Variants in MYBL2 observed in about 807,000 individuals in gnomAD.
MYBL2 encodes the protein MYB proto-oncogene like 2.
A neutral mutation model predicts 79.9 loss-of-function variants in MYBL2; 28 were observed. The observed-to-expected ratio is 0.35, with a 90% CI of 0.26 to 0.48. The LOEUF (loss-of-function observed/expected upper bound fraction) is 0.48, where lower values mean the gene tolerates loss of function less well. MYBL2 is among the 20% of genes least tolerant of loss of function. The probability of loss-of-function intolerance (pLI) is 0.99; values close to 1 mark genes in which losing one functional copy is unlikely to be tolerated. For synonymous variants in MYBL2, 378 were observed against 361.2 expected, an observed-to-expected ratio of 1.05 and a Z score of -0.53; for missense variants, 735 against 893.9, an observed-to-expected ratio of 0.82 and a Z score of 2.27.
intron 3 of MYBL2, among the ~76,000 whole-genome samples, chr20:43,682,464 T>C (rs1987167244): frequency 6.6e-6 from 1 of 152,332 alleles, no homozygotes; most frequent in African/African-American, 2.4e-5. Flanking sequence ...ATCTGAACTC[T>C]TCAGGGAATA....
intron 2 of MYBL2, among the ~76,000 whole-genome samples, chr20:43,675,552 A>G (rs912818911): frequency 6.6e-6 from 1 of 151,832 alleles, no homozygotes; most frequent in African/African-American, 2.4e-5. Flanking sequence ...ACCTCAAGCA[A>G]TCCACCCACC....
At chr20:43,712,886 A>G in intron 11 of MYBL2, 116 bp from the exon 12 acceptor site, 2 of 773,734 alleles carry the variant, frequency 2.6e-6, no homozygotes, top group Non-Finnish European at 4.3e-6. Context: ...CCTTGCTCCA[A>G]GTCTGCACTG....
rs766959084 is a variant in MYBL2, at chr20:43,670,960, C to CTTTTT, written c.21-2842_21-2838dup. On this transcript the variant is annotated intron_variant, in intron 1 of 13. Transcript: ENST00000217026. ...TCTCTGGAGGTGGATCCTATGATTT[C>CTTTTT]TTTTTTTTCTTTTTTTTTTTTTTTT... Among the ~76,000 whole-genome samples, 19 of 144,646 alleles carry CTTTTT rather than the reference C, an allele frequency of 1.3e-4. 1 individual carries two copies. The highest frequency in any genetic ancestry group is 4.3e-4 in the African/African-American group (16 of 37,402). The allele number at this position is 144,646 out of a possible 152,430, so 94.9% of individuals were successfully genotyped here. A position where few individuals can be genotyped will look rare whatever the true frequency, so the allele number is the denominator to read the frequency against.
intron 6 of MYBL2, among the ~76,000 whole-genome samples, chr20:43,693,343 G>A (rs1264908883): frequency 1.3e-5 from 2 of 151,984 alleles, no homozygotes; most frequent in East Asian, 3.9e-4. Flanking sequence ...TACATTTGCA[G>A]TTTTTATTTA....
Position 43,702,909 on chromosome 20 carries a change from T to G in MYBL2, c.1365+6T>G, listed in dbSNP as rs1382224985. 6.3e-7 allele frequency: 1 copy of G among 1,579,920 alleles called. No individual in the cohort carries two copies. Among genetic ancestry groups the G allele is most frequent in the East Asian group, 2.3e-5 (1 of 44,244 alleles). ...TGCCCTTCTCGCCCTCCCAGGTGCG[T>G]GGACCCCACTCTGGCTGCTTATTGG... On this transcript the variant is annotated splice_donor_region_variant and intron_variant, in intron 8 of 13. Coordinates refer to ENST00000217026, the MANE Select transcript of MYBL2 (RefSeq NM_002466.4).
Position 43,705,357 on chromosome 20 carries a change from G to A in MYBL2, c.1504G>A (p.Ala502Thr), listed in dbSNP as rs1987756963. Residue 502 changes from alanine (A) to threonine (T), a missense_variant and splice_region_variant, in exon 9 of 14, where the codon GCG (alanine) becomes ACG (threonine). By Grantham distance (58) the Ala-to-Thr change is moderately conservative. Transcript: ENST00000217026. Reference sequence around the variant, plus strand: ...GACACCCCTGCACCAGAAACATGCTGCGTGAGTGCTGCAGTGCCCCCAACC... The same window carrying A: ...GACACCCCTGCACCAGAAACATGCTACGTGAGTGCTGCAGTGCCCCCAACC... ...DKTPLHQKHA[A>T]FVTPDQKYSM... The A allele has an allele frequency of 1.2e-6, 2 of 1,610,424 alleles. No individual in the cohort carries two copies. The highest frequency in any genetic ancestry group is 2.2e-5 in the South Asian group (2 of 90,334).
At chr20:43,690,234 C>T (rs1217424231) in intron 5 of MYBL2, among the ~76,000 whole-genome samples, 2 of 149,892 alleles carry the variant, frequency 1.3e-5, no homozygotes, top group African/African-American at 4.9e-5. Context: ...GAGACGGAGT[C>T]TTGCTCTGTC....
chr20:43,674,296 G>A (rs185864962), intron 2 of MYBL2, among the ~76,000 whole-genome samples: 1 of 138,816 alleles, frequency 7.2e-6, no homozygotes, highest in Admixed American at 8.1e-5. Context: ...GAGGGCAATG[G>A]CATAATCTCA....
chr20:43,683,513 A>G (rs1450301905), intron 4 of MYBL2, among the ~76,000 whole-genome samples: 1 of 149,312 alleles, frequency 6.7e-6, no homozygotes, highest in Non-Finnish European at 1.5e-5. Context: ...TGAGGCAGGC[A>G]TGGCTTATGA....
chr20:43,680,642 C>G (rs1026018604), intron 2 of MYBL2, among the ~76,000 whole-genome samples: 1 of 151,968 alleles, frequency 6.6e-6, no homozygotes, highest in African/African-American at 2.4e-5. Context: ...TTACAGGCAC[C>G]CACCACCACA....
rs1406217596 is a variant in MYBL2 at position 43,682,985 on chromosome 20, C to CT, written c.279+100dup. On this transcript the variant is annotated intron_variant, in intron 4 of 13. Transcript: ENST00000217026. ...TTGTGTTGGGGTTGGGGGTGTCAAG[C>CT]TGAGCATTGGGTGTGAGTTGTCTAC... The CT allele has an allele frequency of 3.5e-6, 4 of 1,141,744 alleles. 1 individual carries two copies. In the East Asian group the frequency reaches 7.2e-5, roughly 21 times the overall value. 70.7% of individuals were successfully genotyped at this position (1,141,744 alleles called of 1,614,324 possible).
At chr20:43,709,690 CT>C (rs1987863538) in intron 9 of MYBL2, among the ~76,000 whole-genome samples, 1 of 152,212 alleles carries the variant, frequency 6.6e-6, no homozygotes, top group African/African-American at 2.4e-5. Flanking sequence ...CACGGACTGC[CT>C]TGTTTTCTGG....
chr20:43,701,999 C>T (rs959480845), intron 7 of MYBL2, among the ~76,000 whole-genome samples: 21 of 152,180 alleles, frequency 1.4e-4, no homozygotes, highest in Non-Finnish European at 2.8e-4. Flanking sequence ...TGGTGGCACA[C>T]GCCTGTAGTC....
At chr20:43,704,390 C>T (rs992708729) in intron 8 of MYBL2, among the ~76,000 whole-genome samples, 3 of 152,160 alleles carry the variant, frequency 2.0e-5, no homozygotes, top group Non-Finnish European at 2.9e-5. Flanking sequence ...GTTGGGACTT[C>T]AGGATGTAAA....
intron 7 of MYBL2, among the ~76,000 whole-genome samples, chr20:43,700,292 G>T (rs6031042): frequency 6.6e-6 from 1 of 152,210 alleles, no homozygotes; most frequent in East Asian, 1.9e-4. Context: ...GTATGGCACA[G>T]GGCGGGGTGG....
intron 4 of MYBL2, 70 bp from the exon 5 acceptor site, chr20:43,686,782 G>T: frequency 6.8e-7 from 1 of 1,470,612 alleles, no homozygotes; most frequent in Non-Finnish European, 9.4e-7. Context: ...GGCTCAGGTG[G>T]ATGTGAAGGG....
chr20:43,712,800 C>G (rs542164908), intron 11 of MYBL2, among the ~76,000 whole-genome samples: 1 of 152,214 alleles, frequency 6.6e-6, no homozygotes. Context: ...ACCTTGGGTA[C>G]AGAGTCTAAT....
chr20:43,702,686 G>A lies in MYBL2; in HGVS notation c.1148G>A (p.Arg383Gln), dbSNP rs773951994. ...GGCCACACCATCTCAGACCTGAGCC[G>A]GAGCAGCCGGGGCGAGCTGATCCCC... Reference protein sequence around the residue: ...LDGHTISDLSRSSRGELIPIS... With the variant: ...LDGHTISDLSQSSRGELIPIS... Residue 383 changes from arginine (R) to glutamine (Q), a missense_variant, in exon 8 of 14, where the codon CGG (arginine) becomes CAG (glutamine). Physicochemically the swap from Arg to Gln is conservative, Grantham distance 43 (BLOSUM62 1). Coordinates refer to ENST00000217026, the MANE Select transcript of MYBL2 (RefSeq NM_002466.4). 6.8e-6 allele frequency: 11 copies of A among 1,613,700 alleles called. No homozygotes were observed. Among genetic ancestry groups the A allele is most frequent in the Admixed American group, 5.0e-5 (3 of 60,018 alleles).
rs1341105790 is a variant in MYBL2, at chr20:43,702,749, G to A, written c.1211G>A (p.Gly404Asp). Residue 404 changes from glycine (G) to aspartate (D), a missense_variant, in exon 8 of 14, where the codon GGC (glycine) becomes GAC (aspartate). This residue lies in a region of MYBL2 where 243 missense variants were observed against 327.2 expected (regional missense o/e 0.74). Transcript: ENST00000217026. ...ACTGAAGTCGGGGGCTCTGGCATTGGCACACCGCCCTCTGTGCTCAAGCGG... is the reference window on the plus strand; with the variant it reads ...ACTGAAGTCGGGGGCTCTGGCATTGACACACCGCCCTCTGTGCTCAAGCGG... ...PSTEVGGSGI[G>D]TPPSVLKRQR... The A allele has an allele frequency of 8.7e-6, 14 of 1,613,974 alleles. No individual in the cohort carries two copies. Among genetic ancestry groups the A allele is most frequent in the Non-Finnish European group, 1.2e-5 (14 of 1,180,008 alleles).
Sources: gnomAD v4.1 joint callset for allele counts (sites outside exome capture counted in the v4.1 genomes callset) on GRCh38, gnomAD v4.1.1 for gene constraint, gnomAD v4.1.1 regional missense constraint, MANE v1.5 for transcripts, NCBI Gene and HGNC (gene_info 2026-07-23, HGNC 2026-07-21) for gene names.